Variants in FHIP2A observed in about 807,000 individuals in gnomAD.
FHIP2A encodes the protein FHF complex subunit HOOK interacting protein 2A, also known as family with sequence similarity 160 member B1.
Under a neutral mutation model 93.5 loss-of-function variants are expected in FHIP2A, and 46 were observed. The ratio of observed to expected loss-of-function variants is 0.49; its 90% confidence interval spans 0.39 to 0.63. FHIP2A has a LOEUF of 0.63. Ranked by LOEUF, FHIP2A falls within the 20% of genes least tolerant of loss-of-function variation. The pLI is 0.00. For synonymous variants in FHIP2A, 332 were observed against 326.5 expected (o/e 1.02, Z -0.18); for missense variants, 769 against 909.7 (o/e 0.85, Z 1.99).
At chr10:114,844,094 T>C (rs1192590970) in intron 7 of FHIP2A, among the ~76,000 whole-genome samples, 157 bp downstream of exon 7, 1 of 152,248 alleles carries the variant, frequency 6.6e-6, no homozygotes, top group Non-Finnish European at 1.5e-5. Flanking sequence ...TATTAATCAG[T>C]GGTAATGAAT....
chr10:114,824,667 A>G (rs1196446021), intron 1 of FHIP2A, among the ~76,000 whole-genome samples: 2 of 152,080 alleles, frequency 1.3e-5, no homozygotes, highest in South Asian at 2.1e-4. Flanking sequence ...GTGTATTTGG[A>G]TAGTTTTTTC....
Position 114,821,859 on chromosome 10 carries a change from T to TCGCCGCC in FHIP2A, c.-213_-207dup, listed in dbSNP as rs924379418. 5.6e-5 allele frequency: 15 copies of TCGCCGCC among 267,420 alleles called. No individual in the cohort carries two copies. 16.6% of individuals were successfully genotyped at this position (267,420 alleles called of 1,614,324 possible). A position where few individuals can be genotyped will look rare whatever the true frequency, so the allele number is the denominator to read the frequency against. ...CCCGAGTCCTCGCCGAACGCCCTCC[T>TCGCCGCC]CGCCGCCCGCCGCGTCCCGGCGCCC... On this transcript the variant is annotated 5_prime_UTR_variant, in exon 1 of 17. Transcript: ENST00000369248.
At chr10:114,857,608 C>A (rs1371516441) in intron 14 of FHIP2A, among the ~76,000 whole-genome samples, 1 of 152,110 alleles carries the variant, frequency 6.6e-6, no homozygotes, top group African/African-American at 2.4e-5. Context: ...CCACGCCTGG[C>A]CTTCTTCTTT....
intron 13 of FHIP2A, among the ~76,000 whole-genome samples, chr10:114,852,408 T>C (rs2083742494): frequency 6.6e-6 from 1 of 152,212 alleles, no homozygotes; most frequent in South Asian, 2.1e-4. Context: ...TAAAACTGCA[T>C]CTGCTCCTTT....
Position 114,878,595 on chromosome 10 carries a change from A to G in FHIP2A, c.2192+17261A>G, listed in dbSNP as rs934452966. 7.9e-5 allele frequency among the ~76,000 whole-genome samples: 12 copies of G among 152,122 alleles called. No individual in the cohort carries two copies. In the East Asian group the frequency reaches 2.1e-3, roughly 27 times the overall value. ...GGAGTTCAAGACCAGCCTGGCCAACATGGCGAAACCCCGTCTCTACTAAAA... is the reference window on the plus strand; with the variant it reads ...GGAGTTCAAGACCAGCCTGGCCAACGTGGCGAAACCCCGTCTCTACTAAAA... On this transcript the variant is annotated intron_variant, in intron 16 of 16. Transcript: ENST00000369250.
downstream of FHIP2A, among the ~76,000 whole-genome samples, chr10:114,866,247 A>G (rs867874848): frequency 1.1e-4 from 16 of 152,020 alleles, no homozygotes; most frequent in South Asian, 8.3e-4. Flanking sequence ...TTAGTTTGCT[A>G]AGAATAATGG....
intron 14 of FHIP2A, among the ~76,000 whole-genome samples, chr10:114,860,278 T>A (rs916517221): frequency 6.6e-6 from 1 of 152,216 alleles, no homozygotes; most frequent in Non-Finnish European, 1.5e-5. Flanking sequence ...TTTGAGATGA[T>A]GAGAGCTAGT....
intron 16 of FHIP2A, among the ~76,000 whole-genome samples, chr10:114,872,323 T>G (rs2083863748): frequency 6.6e-6 from 1 of 152,210 alleles, no homozygotes; most frequent in African/African-American, 2.4e-5. Context: ...TTCAAAATCC[T>G]AGAGGCCCAC....
rs1406823566 is a variant in FHIP2A, at chr10:114,875,781, G to A, written c.2192+14447G>A. 2.0e-5 allele frequency among the ~76,000 whole-genome samples: 3 copies of A among 146,492 alleles called. No homozygotes were observed. The East Asian group carries it at 6.0e-4, about 29-fold the overall frequency. ...AAGAAAGAAAGAGAAAAGAGAGAGA[G>A]AAAGAAATAGAAAGAAAAAGAACAG... is the stretch of plus-strand genomic sequence containing the variant. On this transcript the variant is annotated intron_variant, in intron 16 of 16. Coordinates refer to the FHIP2A transcript ENST00000369250.
intron 1 of FHIP2A, among the ~76,000 whole-genome samples, chr10:114,826,877 C>T (rs1182667646): frequency 4.6e-5 from 7 of 152,120 alleles, no homozygotes; most frequent in Admixed American, 4.6e-4. Context: ...GCCTGTAATC[C>T]CAGCTACTTG....
chr10:114,869,001 T>A (rs1259385577), downstream of FHIP2A, among the ~76,000 whole-genome samples: 3 of 152,166 alleles, frequency 2.0e-5, no homozygotes, highest in Admixed American at 2.0e-4. Context: ...CCTGTGAGAT[T>A]AGGCAAGACA....
chr10:114,882,376 A>AC (rs2083921513), intron 16 of FHIP2A, among the ~76,000 whole-genome samples: 1 of 152,214 alleles, frequency 6.6e-6, no homozygotes, highest in Non-Finnish European at 1.5e-5. Flanking sequence ...TCTACATGGT[A>AC]TATATCCCAA....
rs1252376671 is a variant in FHIP2A, at chr10:114,843,721, G to T, written c.817-20G>T. The T allele has an allele frequency of 6.8e-7, 1 of 1,478,566 alleles. No homozygotes were observed. The allele number at this position is 1,478,566 out of a possible 1,614,324, so 91.6% of individuals were successfully genotyped here. A position where few individuals can be genotyped will look rare whatever the true frequency, so the allele number is the denominator to read the frequency against. ...GTATATACAATTCAAGAATTGAAGG[G>T]GGATTTTTTTTTCCTTTAGGATGGC... On this transcript the variant is annotated intron_variant, in intron 6 of 16. Coordinates refer to ENST00000369248, the MANE Select transcript of FHIP2A (RefSeq NM_020940.4).
At position 114,864,217 on chromosome 10, in the gene FHIP2A, A is replaced by G. The variant is rs555652445; in HGVS notation, c.*2677A>G. 1 of 984,392 alleles carries G rather than the reference A, an allele frequency of 1.0e-6. No homozygotes were observed. Among genetic ancestry groups the G allele is most frequent in the Non-Finnish European group, 1.2e-6 (1 of 828,708 alleles). 61.0% of individuals were successfully genotyped at this position (984,392 alleles called of 1,614,324 possible). On this transcript the variant is annotated 3_prime_UTR_variant, in exon 17 of 17. Transcript: ENST00000369248. ...TTTACAGGGCACAAATTATGGAATT[A>G]CTTCATAAATTCATGGTAATGTTTT...
chr10:114,888,604 T>C (rs981919109), intron 16 of FHIP2A, among the ~76,000 whole-genome samples: 1 of 151,908 alleles, frequency 6.6e-6, no homozygotes, highest in African/African-American at 2.4e-5. Context: ...TTTTTTTCTT[T>C]TTTCTTTTTC....
At chr10:114,835,491 C>A in intron 3 of FHIP2A, 46 bp from the exon 4 acceptor site, 1 of 1,134,654 alleles carries the variant, frequency 8.8e-7, no homozygotes, top group Non-Finnish European at 1.3e-6. Flanking sequence ...AATGTGTTTG[C>A]ATTGTCTGTT....
chr10:114,845,345 G>A (rs1457210365), intron 7 of FHIP2A, 22 bp from the exon 8 acceptor site: 1 of 1,446,224 alleles, frequency 6.9e-7, no homozygotes, highest in Non-Finnish European at 9.7e-7. Context: ...TTTGGACTTA[G>A]CAATTCTTCC....
chr10:114,843,312 A>AT (rs965975890), intron 6 of FHIP2A, 86 bp downstream of exon 6: 27,369 of 792,196 alleles, frequency 0.035, 22 homozygotes, highest in Middle Eastern at 0.037. Context: ...TTTTTAATTT[A>AT]TTTTTTTTTT....
intron 2 of FHIP2A, among the ~76,000 whole-genome samples, chr10:114,832,786 A>G (rs989129863): frequency 6.9e-6 from 1 of 144,828 alleles, no homozygotes; most frequent in Admixed American, 7.3e-5. Context: ...ATCTCTGCTC[A>G]CTGCAGCCTC....
Sources: gnomAD v4.1 joint callset for allele counts (sites outside exome capture counted in the v4.1 genomes callset) on GRCh38, gnomAD v4.1.1 for gene constraint, MANE v1.5 for transcripts, NCBI Gene and HGNC (gene_info 2026-07-23, HGNC 2026-07-21) for gene names.